MPHOSPH8: variants seen among roughly 807,000 people sequenced by gnomAD.
The protein encoded by MPHOSPH8 is M-phase phosphoprotein 8.
MPHOSPH8 carries 45 observed loss-of-function variants against 87.3 expected under a neutral mutation model. The ratio of observed to expected loss-of-function variants is 0.52; its 90% CI spans 0.41 to 0.66. The LOEUF (loss-of-function observed/expected upper bound fraction) is 0.66, where lower values mean the gene tolerates loss of function less well. Ranked by LOEUF, MPHOSPH8 falls within the 30% of genes least tolerant of loss-of-function variation. MPHOSPH8 has a pLI of 0.00. For missense variants in MPHOSPH8, 883 were observed against 1,020.2 expected, an observed-to-expected ratio of 0.87 and a Z score of 1.83; for synonymous variants, 366 against 376.9, an observed-to-expected ratio of 0.97 and a Z score of 0.33.
chr13:19,666,614 C>T (rs2137541151), intron 10 of MPHOSPH8, 35 bp downstream of exon 10: 1 of 1,541,020 alleles, frequency 6.5e-7, no homozygotes, highest in South Asian at 1.2e-5. Context: ...AGTTAAGTCA[C>T]ATATCATACA....
chr13:19,636,061 C>CT, intron 1 of MPHOSPH8, among the ~76,000 whole-genome samples: 1 of 152,334 alleles, frequency 6.6e-6, no homozygotes, highest in South Asian at 2.1e-4. Context: ...CCCAGCCATG[C>CT]TGAACTGAGT....
rs889958213 is a variant in MPHOSPH8 at position 19,651,250 on chromosome 13, C to T, written c.1576+990C>T. Reference sequence around the variant, plus strand: ...CCAGTTGATTTGAAAACTAGCTAGGCGGCCAGGCACAGTGGCCTGTAGTCC... The same window carrying T: ...CCAGTTGATTTGAAAACTAGCTAGGTGGCCAGGCACAGTGGCCTGTAGTCC... On this transcript the variant is annotated intron_variant, in intron 5 of 13. Transcript: ENST00000361479. 4.6e-5 allele frequency among the ~76,000 whole-genome samples: 7 copies of T among 152,266 alleles called. No individual in the cohort carries two copies. In the East Asian group the frequency reaches 5.8e-4, roughly 13 times the overall value.
chr13:19,659,377 C>A, intron 7 of MPHOSPH8, 88 bp downstream of exon 7: 1 of 1,151,542 alleles, frequency 8.7e-7, no homozygotes, highest in Non-Finnish European at 1.3e-6. Context: ...ATTTTAATTA[C>A]AAAAGGCTGG....
chr13:19,634,945 A>G (rs1169866010), intron 1 of MPHOSPH8, among the ~76,000 whole-genome samples: 1 of 152,174 alleles, frequency 6.6e-6, no homozygotes, highest in East Asian at 1.9e-4. Flanking sequence ...AGCATTTTTT[A>G]TCAACTACTG....
intron 8 of MPHOSPH8, 101 bp downstream of exon 8, chr13:19,661,939 A>C (rs946093482): frequency 7.5e-7 from 1 of 1,338,114 alleles, no homozygotes; most frequent in East Asian, 2.7e-5. Context: ...TCACATGGTC[A>C]CATCGCTTTT....
intron 1 of MPHOSPH8, 55 bp downstream of exon 1, chr13:19,634,016 G>T: frequency 1.9e-6 from 3 of 1,556,798 alleles, no homozygotes; most frequent in Non-Finnish European, 2.6e-6. Context: ...GCCTGGCGGG[G>T]AGGACGCGAG....
chr13:19,641,639 C>T (rs1312777298), intron 1 of MPHOSPH8, among the ~76,000 whole-genome samples: 4 of 151,700 alleles, frequency 2.6e-5, no homozygotes, highest in African/African-American at 7.3e-5. Context: ...ATTACAGGCG[C>T]CCACCACCAC....
chr13:19,651,387 C>T (rs1293843110), intron 5 of MPHOSPH8, among the ~76,000 whole-genome samples: 12 of 151,900 alleles, frequency 7.9e-5, no homozygotes, highest in East Asian at 3.9e-4. Context: ...CTTAGCTGGG[C>T]GTGGCAGTGT....
At chr13:19,670,812 AT>A (rs1876077635) in intron 12 of MPHOSPH8, 1 of 1,212,710 alleles carries the variant, frequency 8.2e-7, no homozygotes. Context: ...CAAGGGAAAA[AT>A]AAATCACTTT....
At chr13:19,665,631 G>A (rs927152812) in intron 9 of MPHOSPH8, among the ~76,000 whole-genome samples, 3 of 152,190 alleles carry the variant, frequency 2.0e-5, no homozygotes, top group Non-Finnish European at 2.9e-5. Context: ...CACCGTTGTC[G>A]GGGTAGTGTG....
chr13:19,636,007 T>G (rs1873987379), intron 1 of MPHOSPH8, among the ~76,000 whole-genome samples: 1 of 152,170 alleles, frequency 6.6e-6, no homozygotes, highest in African/African-American at 2.4e-5. Context: ...AGGTGCCTGC[T>G]TCTCCTTTGC....
At position 19,649,162 on chromosome 13, in the gene MPHOSPH8, A is replaced by T. The variant is rs899283367; in HGVS notation, c.1318+641A>T. Among the ~76,000 whole-genome samples the T allele has an allele frequency of 3.3e-5, 5 of 152,324 alleles. 1 individual carries two copies. The highest frequency in any genetic ancestry group is 1.2e-4 in the African/African-American group (5 of 41,560). ...TGGCTGTTTCAGTGGGTCACACATA[A>T]AGTGGCTGTAAGACTGTTGTTCAAA... On this transcript the variant is annotated intron_variant, in intron 4 of 13. Coordinates refer to ENST00000361479, the MANE Select transcript of MPHOSPH8 (RefSeq NM_017520.4).
At position 19,663,083 on chromosome 13, in the gene MPHOSPH8, T is replaced by C. The variant is rs1875634827; in HGVS notation, c.1976T>C (p.Phe659Ser). The change falls in exon 9 of 14, where the codon TTT (phenylalanine) becomes TCT (serine). Residue 659 changes from phenylalanine to serine, a missense_variant. This residue lies in a region of MPHOSPH8 where 741 missense variants were observed against 841.5 expected (regional missense o/e 0.88). Coordinates refer to ENST00000361479, the MANE Select transcript of MPHOSPH8 (RefSeq NM_017520.4). ...TVAILLEAGA[F>S]VNVQQSNGET... ...GCTATTCTTTTGGAAGCAGGAGCTT[T>C]TGTAAATGTCCAGCAAAGCAATGGT... 1 of 1,614,114 alleles carries C rather than the reference T, an allele frequency of 6.2e-7. No homozygotes were observed. The highest frequency in any genetic ancestry group is 8.5e-7 in the Non-Finnish European group (1 of 1,179,920).
rs1382417557 is a variant in MPHOSPH8, at chr13:19,666,557, T to C, written c.2152T>C (p.Leu718=). The change falls in exon 10 of 14, where the codon TTG becomes CTG. Residue 718 remains leucine (L), a synonymous_variant. Coordinates refer to ENST00000361479, the MANE Select transcript of MPHOSPH8 (RefSeq NM_017520.4). ...GTCTAACAATGTGCTTGTGTACGAC[T>C]TGCTGAAGAACCATTTAGAGACGTA... is the stretch of plus-strand genomic sequence containing the variant. ...KQSNNVLVYD[L]LKNHLETLSR... 1 of 1,589,564 alleles carries C rather than the reference T, an allele frequency of 6.3e-7. No homozygotes were observed. The highest frequency in any genetic ancestry group is 1.3e-5 in the African/African-American group (1 of 74,744).
chr13:19,664,627 T>G lies in MPHOSPH8; in HGVS notation c.2019+1501T>G, dbSNP rs190369322. 4.1e-4 allele frequency among the ~76,000 whole-genome samples: 62 copies of G among 152,310 alleles called. 1 individual carries two copies. The East Asian group carries it at 0.012, about 28-fold the overall frequency. On this transcript the variant is annotated intron_variant, in intron 9 of 13. Coordinates refer to ENST00000361479, the MANE Select transcript of MPHOSPH8 (RefSeq NM_017520.4). The stretch of plus-strand genomic sequence containing the variant: ...CAGATTATGTGAAATAACAGAAGTC[T>G]GTACCTCGGGAGTGGCAGGAGGGAT...
intron 5 of MPHOSPH8, among the ~76,000 whole-genome samples, chr13:19,651,028 C>T (rs1448375416): frequency 6.6e-6 from 1 of 152,202 alleles, no homozygotes; most frequent in Non-Finnish European, 1.5e-5. Flanking sequence ...AATAGTAACA[C>T]TGCTGTTGAG....
At chr13:19,666,932 C>T (rs1353358864) in intron 10 of MPHOSPH8, among the ~76,000 whole-genome samples, 2 of 152,076 alleles carry the variant, frequency 1.3e-5, no homozygotes, top group African/African-American at 4.8e-5. Context: ...GAGGCCGAGG[C>T]GGGTGGATCA....
At chr13:19,652,118 A>G (rs1336883593) in intron 5 of MPHOSPH8, among the ~76,000 whole-genome samples, 1 of 152,164 alleles carries the variant, frequency 6.6e-6, no homozygotes, top group Non-Finnish European at 1.5e-5. Flanking sequence ...AAAAAAGAAC[A>G]TGAAATACGG....
chr13:19,639,141 A>T (rs1874154118), intron 1 of MPHOSPH8, among the ~76,000 whole-genome samples: 1 of 151,664 alleles, frequency 6.6e-6, no homozygotes, highest in Admixed American at 6.6e-5. Context: ...TATGGGAGAC[A>T]TGTGGGAGTG....
Sources: gnomAD v4.1 joint callset for allele counts (sites outside exome capture counted in the v4.1 genomes callset) on GRCh38, gnomAD v4.1.1 for gene constraint, gnomAD v4.1.1 regional missense constraint, MANE v1.5 for transcripts, NCBI Gene and HGNC (gene_info 2026-07-23, HGNC 2026-07-21) for gene names.